PCDH15: variants seen among roughly 807,000 people sequenced by gnomAD.
The protein encoded by PCDH15 is protocadherin-15.
Under a neutral mutation model 178.5 loss-of-function variants are expected in PCDH15, and 129 were observed. The observed-to-expected ratio is 0.72, with a 90% CI of 0.63 to 0.84. PCDH15 has a LOEUF of 0.84. Ranked by LOEUF, PCDH15 falls within the 40% of genes least tolerant of loss-of-function variation. The pLI is 0.00. For synonymous variants in PCDH15, 800 were observed against 732.0 expected, an observed-to-expected ratio of 1.09 and a Z score of -1.50; for missense variants, 2,230 against 2,099.9, an observed-to-expected ratio of 1.06 and a Z score of -1.21.
At chr10:55,490,366 G>C (rs1840385309) in intron 2 of PCDH15, among the ~76,000 whole-genome samples, 1 of 151,736 alleles carries the variant, frequency 6.6e-6, no homozygotes, top group African/African-American at 2.4e-5. Context: ...GTCTATGGTT[G>C]AGTAACAATC....
intron 10 of PCDH15, among the ~76,000 whole-genome samples, chr10:54,212,469 G>C (rs143887000): frequency 1.3e-5 from 2 of 151,964 alleles, no homozygotes; most frequent in African/African-American, 4.8e-5. Flanking sequence ...GTTTACTTCT[G>C]TGCCTCCTTA....
chr10:54,707,075 CTG>C (rs1424214674), intron 1 of PCDH15, among the ~76,000 whole-genome samples: 1 of 152,192 alleles, frequency 6.6e-6, no homozygotes, highest in Non-Finnish European at 1.5e-5. Flanking sequence ...AACACTGTAG[CTG>C]TACTTGGTAT....
At chr10:55,488,072 G>A (rs561898224) in intron 2 of PCDH15, among the ~76,000 whole-genome samples, 1 of 151,542 alleles carries the variant, frequency 6.6e-6, no homozygotes, top group East Asian at 2.0e-4. Flanking sequence ...CAAGGTAAAG[G>A]TAACATTTCC....
At chr10:54,530,859 C>G (rs560174491) in intron 2 of PCDH15, among the ~76,000 whole-genome samples, 103 of 152,218 alleles carry the variant, frequency 6.8e-4, no homozygotes, top group Admixed American at 1.8e-3. Flanking sequence ...AATAAATAAT[C>G]TATTAATAAC....
At chr10:53,907,172 C>T (rs1420212911) in intron 25 of PCDH15, 2 of 152,126 alleles carry the variant, frequency 1.3e-5, no homozygotes, top group Non-Finnish European at 1.5e-5. Context: ...CCATGTTCTT[C>T]CACCAAATTT....
intron 3 of PCDH15, among the ~76,000 whole-genome samples, chr10:54,513,719 T>C (rs910851614): frequency 3.3e-5 from 5 of 152,190 alleles, no homozygotes; most frequent in Admixed American, 1.3e-4. Context: ...CAGGTAAGTC[T>C]CATTTAAGTC....
intron 1 of PCDH15, among the ~76,000 whole-genome samples, chr10:55,214,186 A>G (rs1326544323): frequency 6.6e-6 from 1 of 152,084 alleles, no homozygotes; most frequent in African/African-American, 2.4e-5. Flanking sequence ...CAACTTTTAT[A>G]AAACAGTACT....
intron 2 of PCDH15, among the ~76,000 whole-genome samples, chr10:54,958,364 A>G (rs1036249187): frequency 6.6e-6 from 1 of 151,870 alleles, no homozygotes; most frequent in Non-Finnish European, 1.5e-5. Context: ...ATTCAAGGAA[A>G]AAACAAACAC....
intron 28 of PCDH15, among the ~76,000 whole-genome samples, chr10:53,855,908 A>G (rs796986854): frequency 5.0e-5 from 7 of 139,124 alleles, no homozygotes; most frequent in African/African-American, 1.4e-4. Flanking sequence ...TGATATGTAT[A>G]TATATATATA....
In PCDH15 at chr10:53,924,281, G is replaced by A. The variant is rs183390800; in HGVS notation, c.3373+14534C>T. ...GGTGGACTCCGCACTCAGAGCGGCC[G>A]GCTGGCACCGTGGGCCCCAGGCAGT... On this transcript the variant is annotated intron_variant, in intron 25 of 37. Transcript: ENST00000644397. Among the ~76,000 whole-genome samples the A allele has an allele frequency of 2.4e-3, 369 of 152,202 alleles. 2 individuals are homozygous for A. Among genetic ancestry groups the A allele is most frequent in the African/African-American group, 8.5e-3 (354 of 41,560 alleles).
At position 54,579,667 on chromosome 10, in the gene PCDH15, C is replaced by A. The variant is rs559097964; in HGVS notation, c.92-51790G>T. 5.3e-5 allele frequency among the ~76,000 whole-genome samples: 8 copies of A among 152,112 alleles called. No individual in the cohort carries two copies. The East Asian group carries it at 1.5e-3, about 29-fold the overall frequency. ...GTTACAGAGCACTCTACCCATCAACCACAGAATATACATTCCTCTCATCTG... is the reference window on the plus strand; with the variant it reads ...GTTACAGAGCACTCTACCCATCAACAACAGAATATACATTCCTCTCATCTG... On this transcript the variant is annotated intron_variant, in intron 2 of 37. Coordinates refer to ENST00000644397, the MANE Select transcript of PCDH15 (RefSeq NM_001384140.1).
At chr10:54,337,555 G>A (rs564455205) in intron 6 of PCDH15, among the ~76,000 whole-genome samples, 16 of 152,134 alleles carry the variant, frequency 1.1e-4, no homozygotes, top group Non-Finnish European at 1.9e-4. Context: ...GCGTGAAAAC[G>A]GACTAACACA....
At chr10:55,243,169 G>A (rs1841598084) in intron 1 of PCDH15, among the ~76,000 whole-genome samples, 2 of 152,150 alleles carry the variant, frequency 1.3e-5, no homozygotes, top group African/African-American at 4.8e-5. Context: ...CTATCAGTTA[G>A]CAGCTATGCT....
At chr10:55,328,620 T>C (rs1844100432) in intron 2 of PCDH15, among the ~76,000 whole-genome samples, 1 of 151,524 alleles carries the variant, frequency 6.6e-6, no homozygotes, top group African/African-American at 2.4e-5. Context: ...GTTCCATATA[T>C]GAGGATTCAA....
intron 8 of PCDH15, among the ~76,000 whole-genome samples, chr10:54,313,256 A>G (rs1591744756): frequency 1.3e-5 from 2 of 152,152 alleles, no homozygotes; most frequent in South Asian, 4.1e-4. Flanking sequence ...AAATTTCCTG[A>G]CTTATTTCTT....
chr10:54,866,094 G>C (rs2131787127), intron 3 of PCDH15, among the ~76,000 whole-genome samples: 2 of 152,294 alleles, frequency 1.3e-5, no homozygotes, highest in African/African-American at 4.8e-5. Flanking sequence ...ATTAGACCTG[G>C]AAAAATGTTT....
At chr10:53,837,151 A>G (rs534131614) in intron 29 of PCDH15, among the ~76,000 whole-genome samples, 4 of 152,082 alleles carry the variant, frequency 2.6e-5, no homozygotes, top group Non-Finnish European at 4.4e-5. Context: ...GAGAAAAATC[A>G]AATTGTAATT....
At chr10:54,663,198 T>C (rs2094517964) in intron 2 of PCDH15, among the ~76,000 whole-genome samples, 1 of 151,946 alleles carries the variant, frequency 6.6e-6, no homozygotes. Context: ...ATCTATCTTC[T>C]GATCAATCAG....
rs546002004 is a variant in PCDH15, at chr10:53,811,597, A to G, written c.4514T>C (p.Ile1505Thr). The change falls in exon 36 of 38, where the codon ATT becomes ACT. Residue 1505 changes from isoleucine (I) to threonine (T), a missense_variant. Transcript: ENST00000644397. Reference protein sequence around the residue: ...KPEELSMESGIDPGQEYGQDY... With the variant: ...KPEELSMESGTDPGQEYGQDY... ...TTGTCCATATTCCTGGCCAGGATCA[A>G]TTCCAGACTCCATGGATAATTCCTA... 4 of 1,568,390 alleles carry G rather than the reference A, an allele frequency of 2.6e-6. No homozygotes were observed. Among genetic ancestry groups the G allele is most frequent in the African/African-American group, 1.4e-5 (1 of 73,530 alleles).
Sources: allele counts gnomAD v4.1 joint callset (sites outside exome capture counted in the v4.1 genomes callset), GRCh38; gene constraint gnomAD v4.1.1; transcripts MANE v1.5; gene names NCBI Gene and HGNC (gene_info 2026-07-23, HGNC 2026-07-21).